Variants in PIKFYVE observed in about 807,000 individuals in gnomAD.
PIKFYVE encodes the protein phosphoinositide kinase, FYVE-type zinc finger containing, also known as 1-phosphatidylinositol 3-phosphate 5-kinase.
A neutral mutation model predicts 257.9 loss-of-function variants in PIKFYVE; 122 were observed. The observed-to-expected ratio is 0.47, with a 90% CI of 0.41 to 0.55. PIKFYVE has a LOEUF of 0.55. Among genes scored for constraint, PIKFYVE ranks in the 20% least tolerant of loss-of-function variants. The pLI, the probability that PIKFYVE is intolerant of heterozygous loss-of-function variation, is 0.00. For synonymous variants in PIKFYVE, 892 were observed against 868.9 expected, an observed-to-expected ratio of 1.03 and a Z score of -0.47; for missense variants, 2,160 against 2,536.6, an observed-to-expected ratio of 0.85 and a Z score of 3.19.
In PIKFYVE at chr2:208,356,240, T is replaced by C. The variant is rs1700153343; in HGVS notation, c.*935T>C. The C allele has an allele frequency of 6.6e-6, 1 of 152,126 alleles. No homozygotes were observed. The highest frequency in any genetic ancestry group is 2.1e-4 in the South Asian group (1 of 4,824). The allele number at this position is 152,126 out of a possible 1,614,324, so 9.4% of individuals were successfully genotyped here. A position where few individuals can be genotyped will look rare whatever the true frequency, so the allele number is the denominator to read the frequency against. On this transcript the variant is annotated 3_prime_UTR_variant, in exon 42 of 42. Coordinates refer to ENST00000264380, the MANE Select transcript of PIKFYVE (RefSeq NM_015040.4). ...GAAACACTTGTTTTATTCACAGAGG[T>C]AAAGTGTCTTTTCAATATAACCAGC... is the stretch of plus-strand genomic sequence containing the variant.
intron 14 of PIKFYVE, among the ~76,000 whole-genome samples, chr2:208,314,924 A>C (rs976661485): frequency 6.6e-6 from 1 of 151,886 alleles, no homozygotes; most frequent in African/African-American, 2.4e-5. Context: ...CAAAAGCCCC[A>C]AACTGTGCTT....
chr2:208,317,712 C>T (rs1175106156), intron 15 of PIKFYVE, among the ~76,000 whole-genome samples, 155 bp from the exon 16 acceptor site: 1 of 151,908 alleles, frequency 6.6e-6, no homozygotes, highest in Non-Finnish European at 1.5e-5. Flanking sequence ...TGCCATTGAT[C>T]GTTGGTTGAA....
chr2:208,328,250 G>A lies in PIKFYVE; in HGVS notation c.3689G>A (p.Ser1230Asn). The A allele has an allele frequency of 1.2e-6, 2 of 1,613,782 alleles. No individual in the cohort carries two copies. Among genetic ancestry groups the A allele is most frequent in the Non-Finnish European group, 8.5e-7 (1 of 1,179,872 alleles). ...TTCAGCAGCTCTTCTGCCCAGTCCA[G>A]CAATGCTCCTAGTGCCTGTGTCAGT... ...VLFSSSSAQS[S>N]NAPSACVSPW... The change falls in exon 21 of 42, where the codon AGC (serine) becomes AAC (asparagine). Residue 1230 changes from serine to asparagine, a missense_variant. Physicochemically the swap from Ser to Asn is conservative, Grantham distance 46. This residue lies in a region of PIKFYVE where 522 missense variants were observed against 514.6 expected (regional missense o/e 1.01). Coordinates refer to ENST00000264380, the MANE Select transcript of PIKFYVE (RefSeq NM_015040.4).
chr2:208,307,481 CTT>C (rs1215541729), intron 12 of PIKFYVE, among the ~76,000 whole-genome samples: 1 of 152,038 alleles, frequency 6.6e-6, no homozygotes, highest in East Asian at 1.9e-4. Flanking sequence ...TGTTGAAAGA[CTT>C]TGGATCTGGG....
At chr2:208,267,288 A>G (rs1367600394) in intron 1 of PIKFYVE, among the ~76,000 whole-genome samples, 2 of 152,176 alleles carry the variant, frequency 1.3e-5, no homozygotes, top group Non-Finnish European at 2.9e-5. Flanking sequence ...TTTTCTTACA[A>G]AAAATGTTCT....
rs1422828759 is a variant in PIKFYVE, at chr2:208,338,569, G to C, written c.4672+1G>C. ...CCAGGACTTCAGAATGGAGAAAAAG[G>C]TTGGTTCTTGAGTCTGGTGATCACT... is the stretch of plus-strand genomic sequence containing the variant. On this transcript the variant is annotated splice_donor_variant, in intron 29 of 41. Transcript: ENST00000264380. LOFTEE classifies it high-confidence loss of function. 1.2e-6 allele frequency: 2 copies of C among 1,612,338 alleles called. No homozygotes were observed.
intron 28 of PIKFYVE, among the ~76,000 whole-genome samples, chr2:208,337,222 T>G (rs1288458532): frequency 1.3e-5 from 2 of 152,124 alleles, no homozygotes; most frequent in African/African-American, 2.4e-5. Flanking sequence ...GGAAAGTCAG[T>G]GGATGCTCTG....
chr2:208,293,577 C>G (rs1411506429), intron 7 of PIKFYVE, among the ~76,000 whole-genome samples: 1 of 151,940 alleles, frequency 6.6e-6, no homozygotes, highest in East Asian at 1.9e-4. Context: ...TGGCTTTTTT[C>G]TCTCAACATC....
Position 208,301,026 on chromosome 2 carries a change from G to A in PIKFYVE, c.1140G>A (p.Thr380=), listed in dbSNP as rs750959225. Residue 380 remains threonine (T), a synonymous_variant, in exon 9 of 42, where the codon ACG becomes ACA. Coordinates refer to ENST00000264380, the MANE Select transcript of PIKFYVE (RefSeq NM_015040.4). ...EFQDHRYWLR[T]HPNCIVGKEL... ...AGGATCACCGCTACTGGTTGAGAAC[G>A]CATCCCAACTGCATTGTAGGAAAGG... The A allele has an allele frequency of 6.2e-6, 10 of 1,613,996 alleles. No individual in the cohort carries two copies. Among genetic ancestry groups the A allele is most frequent in the Middle Eastern group, 3.3e-4 (2 of 6,084 alleles).
intron 1 of PIKFYVE, chr2:208,269,509 A>G: frequency 3.8e-6 from 1 of 262,346 alleles, no homozygotes; most frequent in South Asian, 4.6e-5. Flanking sequence ...TAACACATGA[A>G]GCCCCTCCAG....
rs1381382358 is a variant in PIKFYVE at position 208,347,731 on chromosome 2, T to A, written c.5210-128T>A. The A allele has an allele frequency of 3.3e-5, 27 of 813,036 alleles. No homozygotes were observed. The Admixed American group carries it at 6.5e-4, about 20-fold the overall frequency. The allele number at this position is 813,036 out of a possible 1,614,324, so 50.4% of individuals were successfully genotyped here. A position where few individuals can be genotyped will look rare whatever the true frequency, so the allele number is the denominator to read the frequency against. ...ATGAAGGACAATGTGCAAACAAAAGTATTTGCATTACTCAGATTGATTAGC... is the reference window on the plus strand; with the variant it reads ...ATGAAGGACAATGTGCAAACAAAAGAATTTGCATTACTCAGATTGATTAGC... On this transcript the variant is annotated intron_variant, in intron 34 of 41. Coordinates refer to ENST00000264380, the MANE Select transcript of PIKFYVE (RefSeq NM_015040.4).
rs1301351691 is a variant in PIKFYVE at position 208,343,498 on chromosome 2, A to G, written c.5027+849A>G. Among the ~76,000 whole-genome samples the G allele has an allele frequency of 2.6e-5, 4 of 152,330 alleles. No homozygotes were observed. In the East Asian group the frequency reaches 7.7e-4, roughly 29 times the overall value. ...TGTTTTTTCCTGTACATACATACCT[A>G]TGATAAAGTTAAATTTATAAATTAG... On this transcript the variant is annotated intron_variant, in intron 32 of 41. Transcript: ENST00000264380.
chr2:208,291,555 A>G (rs1026347172), intron 7 of PIKFYVE, among the ~76,000 whole-genome samples: 1 of 152,078 alleles, frequency 6.6e-6, no homozygotes, highest in Non-Finnish European at 1.5e-5. Flanking sequence ...GACATAATTT[A>G]TTTCTTAAAT....
chr2:208,317,241 A>G (rs6435443), intron 15 of PIKFYVE, among the ~76,000 whole-genome samples: 140,189 of 150,878 alleles, frequency 0.93, 65,651 homozygotes, highest in Non-Finnish European at 0.98. Context: ...TCATCTGACA[A>G]AGGGCTAATA....
At position 208,324,218 on chromosome 2, in the gene PIKFYVE, T is replaced by C. The variant is rs1162254947; in HGVS notation, c.2267T>C (p.Val756Ala). Reference protein sequence around the residue: ...RPTLVLVEKTVSRIAQDMLLE... With the variant: ...RPTLVLVEKTASRIAQDMLLE... ...ACCTTGGTTCTTGTTGAGAAAACAG[T>C]GTCTCGGATTGCCCAGGACATGTTA... Residue 756 changes from valine (V) to alanine (A), a missense_variant, in exon 18 of 42, where the codon GTG becomes GCG. Around this residue, in one of 12 missense-constraint regions of PIKFYVE, gnomAD observed 346 missense variants for 365.6 expected, o/e 0.95. Transcript: ENST00000264380. The C allele has an allele frequency of 1.2e-6, 2 of 1,614,058 alleles. No homozygotes were observed. The highest frequency in any genetic ancestry group is 3.3e-5 in the Admixed American group (2 of 60,024).
chr2:208,277,575 A>G lies in PIKFYVE; in HGVS notation c.480A>G (p.Gln160=), dbSNP rs1460226757. ...DLKQYWMPDS[Q]CKECYDCSEK... is the part of the protein sequence containing the mutation. ...AACAATACTGGATGCCAGATAGCCAATGTAAAGAGTGCTATGACTGTAGTG... is the reference window on the plus strand; with the variant it reads ...AACAATACTGGATGCCAGATAGCCAGTGTAAAGAGTGCTATGACTGTAGTG... The change falls in exon 5 of 42, where the codon CAA becomes CAG. Residue 160 remains glutamine (Q), a synonymous_variant. Coordinates refer to ENST00000264380, the MANE Select transcript of PIKFYVE (RefSeq NM_015040.4). 5.6e-6 allele frequency: 9 copies of G among 1,613,932 alleles called. No homozygotes were observed. Among genetic ancestry groups the G allele is most frequent in the African/African-American group, 1.3e-5 (1 of 75,036 alleles).
intron 25 of PIKFYVE, 53 bp from the exon 26 acceptor site, chr2:208,335,740 T>C: frequency 1.5e-6 from 2 of 1,337,534 alleles, no homozygotes; most frequent in East Asian, 2.3e-5. Context: ...TTATGTGAGA[T>C]AGAAAATTTG....
chr2:208,274,064 A>T, intron 3 of PIKFYVE: 1 of 1,610,862 alleles, frequency 6.2e-7, no homozygotes, highest in South Asian at 1.1e-5. Flanking sequence ...GTTAGTTTCC[A>T]CTTTGTGAAT....
chr2:208,340,561 G>T (rs1221122776), intron 31 of PIKFYVE, among the ~76,000 whole-genome samples: 2 of 151,992 alleles, frequency 1.3e-5, no homozygotes, highest in Admixed American at 6.6e-5. Context: ...TTTTTATGGG[G>T]TGCACTCAAA....
Sources: allele counts gnomAD v4.1 joint callset (sites outside exome capture counted in the v4.1 genomes callset), GRCh38; gene constraint gnomAD v4.1.1; regional missense constraint gnomAD v4.1.1; transcripts MANE v1.5; gene names NCBI Gene and HGNC (gene_info 2026-07-23, HGNC 2026-07-21).